The following PRKCA variants were observed in gnomAD, a reference collection of about 807,000 sequenced individuals.
The protein encoded by PRKCA is protein kinase C alpha type.
Under a neutral mutation model 87.0 loss-of-function variants are expected in PRKCA, and 27 were observed. The observed-to-expected ratio is 0.31, with a 90% confidence interval of 0.23 to 0.43. The LOEUF (loss-of-function observed/expected upper bound fraction) is 0.43, where lower values mean the gene tolerates loss of function less well. Among genes scored for constraint, PRKCA ranks in the 20% least tolerant of loss-of-function variants. PRKCA has a pLI of 1.00. For synonymous variants in PRKCA, 329 were observed against 311.1 expected, an observed-to-expected ratio of 1.06 and a Z score of -0.61; for missense variants, 518 against 852.3, an observed-to-expected ratio of 0.61 and a Z score of 4.88.
At chr17:66,610,153 G>C (rs1970315805) in intron 3 of PRKCA, among the ~76,000 whole-genome samples, 1 of 152,250 alleles carries the variant, frequency 6.6e-6, no homozygotes, top group South Asian at 2.1e-4. Context: ...TCTCTTGTTT[G>C]CTAGGACAGC....
rs1972608453 is a variant in PRKCA at position 66,685,677 on chromosome 17, T to G, written c.530-1434T>G. ...CAATGCCTGTCTCTGACTTCCGATC[T>G]TAGGGCTGTACCTCCCTCATTTGTG... On this transcript the variant is annotated intron_variant, in intron 5 of 16. Coordinates refer to ENST00000413366, the MANE Select transcript of PRKCA (RefSeq NM_002737.3). Among the ~76,000 whole-genome samples, 4 of 152,224 alleles carry G rather than the reference T, an allele frequency of 2.6e-5. No homozygotes were observed. In the South Asian group the frequency reaches 8.3e-4, roughly 32 times the overall value.
At chr17:66,596,508 G>C (rs1969981288) in intron 3 of PRKCA, among the ~76,000 whole-genome samples, 1 of 151,012 alleles carries the variant, frequency 6.6e-6, no homozygotes, top group African/African-American at 2.4e-5. Flanking sequence ...TGATGGAAAG[G>C]GGAAGATTTT....
chr17:66,765,456 CCATA>C (rs1974790776), intron 13 of PRKCA, among the ~76,000 whole-genome samples: 2 of 38,068 alleles, frequency 5.3e-5, no homozygotes, highest in Non-Finnish European at 5.6e-5. Flanking sequence ...ATATATATAT[CCATA>C]TATATACATA....
chr17:66,681,892 C>T (rs1009133045), intron 5 of PRKCA, among the ~76,000 whole-genome samples: 1 of 152,210 alleles, frequency 6.6e-6, no homozygotes, highest in East Asian at 1.9e-4. Flanking sequence ...GAAAGCATAG[C>T]GGTCACTCCC....
chr17:66,459,079 A>G (rs80123072), intron 2 of PRKCA, among the ~76,000 whole-genome samples: 2 of 152,234 alleles, frequency 1.3e-5, no homozygotes, highest in South Asian at 4.1e-4. Context: ...AAGTAAAAAA[A>G]AAAGGGATAA....
At chr17:66,779,404 C>T (rs1487896802) in intron 14 of PRKCA, among the ~76,000 whole-genome samples, 9 of 151,902 alleles carry the variant, frequency 5.9e-5, no homozygotes, top group South Asian at 2.1e-4. Flanking sequence ...CACCTTGTGC[C>T]TGCAAGTGTT....
At chr17:66,429,025 G>A (rs1038627641) in intron 2 of PRKCA, among the ~76,000 whole-genome samples, 1 of 151,954 alleles carries the variant, frequency 6.6e-6, no homozygotes, top group Non-Finnish European at 1.5e-5. Context: ...AAGATCTTTG[G>A]GGGTGATAAA....
At chr17:66,688,519 G>T in intron 7 of PRKCA, 83 bp downstream of exon 7, 1 of 1,558,108 alleles carries the variant, frequency 6.4e-7, no homozygotes, top group South Asian at 1.2e-5. Context: ...AATGTCAGTT[G>T]AGGCTGGACA....
At chr17:66,433,981 T>G (rs375047384) in intron 2 of PRKCA, among the ~76,000 whole-genome samples, 12 of 152,056 alleles carry the variant, frequency 7.9e-5, no homozygotes, top group African/African-American at 2.7e-4. Context: ...TTCCTCAGTT[T>G]GTGGATGGAG....
In PRKCA at chr17:66,395,930, C is replaced by CT. The variant is rs558895787; in HGVS notation, c.205+89806dup. 1.2e-4 allele frequency among the ~76,000 whole-genome samples: 18 copies of CT among 152,224 alleles called. No homozygotes were observed. The East Asian group carries it at 3.1e-3, about 26-fold the overall frequency. On this transcript the variant is annotated intron_variant, in intron 2 of 16. Coordinates refer to ENST00000413366, the MANE Select transcript of PRKCA (RefSeq NM_002737.3). ...TGTTGCAGGTTCCTTCTTTTTCACTCTTTCCTTAATTATGGGAAGGAATTC... is the reference window on the plus strand; with the variant it reads ...TGTTGCAGGTTCCTTCTTTTTCACTCTTTTCCTTAATTATGGGAAGGAATTC...
At chr17:66,561,759 A>C (rs1034085947) in intron 3 of PRKCA, among the ~76,000 whole-genome samples, 1 of 152,186 alleles carries the variant, frequency 6.6e-6, no homozygotes, top group Non-Finnish European at 1.5e-5. Context: ...CACCTGCTAC[A>C]GTGTGGATGA....
At chr17:66,427,171 A>G (rs1219932470) in intron 2 of PRKCA, among the ~76,000 whole-genome samples, 4 of 152,144 alleles carry the variant, frequency 2.6e-5, no homozygotes, top group African/African-American at 9.7e-5. Flanking sequence ...AGCTGGGACT[A>G]CAGGTGTGTG....
At chr17:66,773,938 G>A in intron 13 of PRKCA, 49 bp from the exon 14 acceptor site, 1 of 1,610,726 alleles carries the variant, frequency 6.2e-7, no homozygotes, top group Non-Finnish European at 8.5e-7. Flanking sequence ...TTCTGACAGG[G>A]GCTATTGGAC....
At chr17:66,340,379 TC>T (rs1555585930) in intron 2 of PRKCA, among the ~76,000 whole-genome samples, 16 of 124,238 alleles carry the variant, frequency 1.3e-4, no homozygotes, top group Non-Finnish European at 1.2e-4. Flanking sequence ...TTTTTTTTTT[TC>T]TTTTTTTTTT....
intron 3 of PRKCA, among the ~76,000 whole-genome samples, chr17:66,514,610 C>T (rs1292333525): frequency 3.3e-5 from 5 of 152,080 alleles, no homozygotes; most frequent in East Asian, 3.9e-4. Flanking sequence ...CCTCCTCCAG[C>T]GTTTAGTTTA....
Position 66,805,180 on chromosome 17 carries a change from G to GCCTGGAGCTGTAGAATCAGGAAACC in PRKCA, c.*1145_*1169dup. On this transcript the variant is annotated 3_prime_UTR_variant, in exon 17 of 17. Transcript: ENST00000413366. ...ATTTCTAGTTCACGTTGAATGACAG[G>GCCTGGAGCTGTAGAATCAGGAAACC]CCTGGAGCTGTAGAATCAGGAAACC... 1.0e-6 allele frequency: 1 copy of GCCTGGAGCTGTAGAATCAGGAAACC among 955,958 alleles called. No homozygotes were observed. Among genetic ancestry groups the GCCTGGAGCTGTAGAATCAGGAAACC allele is most frequent in the Non-Finnish European group, 1.2e-6 (1 of 803,190 alleles). 59.2% of individuals were successfully genotyped at this position (955,958 alleles called of 1,614,324 possible).
chr17:66,388,474 A>G (rs1313105451), intron 2 of PRKCA, among the ~76,000 whole-genome samples: 1 of 151,986 alleles, frequency 6.6e-6, no homozygotes, highest in East Asian at 1.9e-4. Flanking sequence ...TTGTGTTTTT[A>G]GTAGAGACGG....
chr17:66,526,687 G>A (rs1967358109), intron 3 of PRKCA, among the ~76,000 whole-genome samples: 1 of 152,024 alleles, frequency 6.6e-6, no homozygotes, highest in Non-Finnish European at 1.5e-5. Flanking sequence ...TAGGAAGCAG[G>A]GAAATAGACT....
chr17:66,370,228 C>CTTTTTTTTTTTTTTTTTTTTT (rs35851942), intron 2 of PRKCA, among the ~76,000 whole-genome samples: 1 of 112,258 alleles, frequency 8.9e-6, no homozygotes. Context: ...TATTTTGATA[C>CTTTTTTTTTTTTTTTTTTTTT]TTTTTTTTTT....
Sources: gnomAD v4.1 joint callset for allele counts (sites outside exome capture counted in the v4.1 genomes callset) on GRCh38, gnomAD v4.1.1 for gene constraint, MANE v1.5 for transcripts, NCBI Gene and HGNC (gene_info 2026-07-23, HGNC 2026-07-21) for gene names.